COMMD2: variants seen among roughly 807,000 people sequenced by gnomAD.
The protein encoded by COMMD2 is COMM domain containing 2, also known as COMM domain-containing protein 2.
Under a neutral mutation model 22.5 loss-of-function variants are expected in COMMD2, and 25 were observed. The observed-to-expected ratio is 1.11, with a 90% CI of 0.81 to 1.55. COMMD2 has a LOEUF of 1.55. COMMD2 is among the 40% of genes most tolerant of loss of function. The pLI, the probability that COMMD2 is intolerant of heterozygous loss-of-function variation, is 0.00. For missense variants in COMMD2, 223 were observed against 232.9 expected (o/e 0.96, Z 0.28); for synonymous variants, 98 against 91.2 (o/e 1.07, Z -0.42).
rs372920622 is a variant in COMMD2 at position 149,749,405 on chromosome 3, T to A, written c.402+1273A>T. Among the ~76,000 whole-genome samples, 62 of 152,288 alleles carry A rather than the reference T, an allele frequency of 4.1e-4. No individual in the cohort carries two copies. The South Asian group carries it at 0.013, about 31-fold the overall frequency. The stretch of plus-strand genomic sequence containing the variant: ...TATCTGGACATTACCTCCATTTGAA[T>A]CAGAAGAAGCCACTACAACAGTGGT... On this transcript the variant is annotated intron_variant, in intron 4 of 4. Transcript: ENST00000473414.
intron 4 of COMMD2, among the ~76,000 whole-genome samples, chr3:149,749,342 T>C (rs1716463321): frequency 6.6e-6 from 1 of 152,198 alleles, no homozygotes; most frequent in African/African-American, 2.4e-5. Context: ...TTATCTGCTA[T>C]TTCAGGTCTA....
At chr3:149,746,117 A>G (rs1002420507) in intron 4 of COMMD2, among the ~76,000 whole-genome samples, 2 of 152,200 alleles carry the variant, frequency 1.3e-5, no homozygotes, top group African/African-American at 4.8e-5. Context: ...CTTAAATTCA[A>G]TCTATCTTGA....
intron 4 of COMMD2, among the ~76,000 whole-genome samples, chr3:149,742,976 AAAAAAG>A (rs1297375021): frequency 2.6e-4 from 37 of 139,642 alleles, no homozygotes; most frequent in African/African-American, 9.5e-4. Flanking sequence ...AAAAAAAAAA[AAAAAAG>A]AAAAAGAAAA....
At chr3:149,749,913 T>G (rs754533305) in intron 4 of COMMD2, among the ~76,000 whole-genome samples, 22 of 152,226 alleles carry the variant, frequency 1.4e-4, no homozygotes, top group Non-Finnish European at 2.8e-4. Flanking sequence ...ATTTTGAGAA[T>G]GCCTAATATC....
Position 149,750,684 on chromosome 3 carries a change from A to G in COMMD2, c.396T>C (p.Asp132=), listed in dbSNP as rs1350733811. ...PSYHNLEWRL[D]VQLASRSLRQ... ...AATTTTAAAAATGCTATACCTGTAC[A>G]TCTAGTCGCCATTCAAGGTTATGAT... is the stretch of plus-strand genomic sequence containing the variant. Residue 132 remains aspartate, a synonymous_variant, in exon 4 of 5, where the codon GAT becomes GAC. Transcript: ENST00000473414. The G allele has an allele frequency of 6.4e-7, 1 of 1,569,452 alleles. No individual in the cohort carries two copies. The highest frequency in any genetic ancestry group is 1.9e-5 in the Admixed American group (1 of 53,138).
chr3:149,742,171 A>T (rs977376743), intron 4 of COMMD2, among the ~76,000 whole-genome samples: 1 of 152,248 alleles, frequency 6.6e-6, no homozygotes, highest in Admixed American at 6.5e-5. Context: ...CATTTTACAG[A>T]AGACAAATGA....
intron 4 of COMMD2, among the ~76,000 whole-genome samples, chr3:149,746,077 G>C (rs887212734): frequency 6.6e-6 from 1 of 152,196 alleles, no homozygotes; most frequent in South Asian, 2.1e-4. Flanking sequence ...ACCTACTGTG[G>C]AGATTGCAAC....
intron 2 of COMMD2, 30 bp downstream of exon 2, chr3:149,752,180 C>A (rs556451921): frequency 1.3e-6 from 2 of 1,598,118 alleles, no homozygotes; most frequent in South Asian, 2.2e-5. Flanking sequence ...GCCCTAGAAG[C>A]CTGCGGAGCC....
At position 149,739,271 on chromosome 3, in the gene COMMD2, T is replaced by C. The variant is rs1576656561; in HGVS notation, c.*2250A>G. On this transcript the variant is annotated 3_prime_UTR_variant, in exon 5 of 5. Coordinates refer to ENST00000473414, the MANE Select transcript of COMMD2 (RefSeq NM_016094.4). The stretch of plus-strand genomic sequence containing the variant: ...GCTACAACAAATATCAAATGTTATA[T>C]AAAACAAACAATGCAGGGGAATCCA... 2.6e-5 allele frequency: 4 copies of C among 152,198 alleles called. No homozygotes were observed. In the South Asian group the frequency reaches 8.3e-4, roughly 32 times the overall value. 9.4% of individuals were successfully genotyped at this position (152,198 alleles called of 1,614,324 possible).
intron 3 of COMMD2, among the ~76,000 whole-genome samples, 179 bp from the exon 4 acceptor site, chr3:149,751,030 A>AT (rs2108253433): frequency 6.6e-6 from 1 of 152,356 alleles, no homozygotes; most frequent in African/African-American, 2.4e-5. Flanking sequence ...GTACTTTACT[A>AT]AAGTATAAAA....
intron 2 of COMMD2, chr3:149,751,821 T>G (rs77589896): frequency 0.067 from 17,618 of 262,952 alleles, 1,744 homozygotes; most frequent in African/African-American, 0.26. Flanking sequence ...TACCCAGGGG[T>G]AAAACAACAC....
intron 4 of COMMD2, among the ~76,000 whole-genome samples, chr3:149,746,451 A>G (rs546981728): frequency 4.6e-5 from 7 of 152,288 alleles, no homozygotes; most frequent in Non-Finnish European, 8.8e-5. Context: ...TCACACTGTT[A>G]TGAAGAAATA....
intron 4 of COMMD2, among the ~76,000 whole-genome samples, chr3:149,745,727 T>C (rs998185689): frequency 6.6e-6 from 1 of 152,222 alleles, no homozygotes; most frequent in Non-Finnish European, 1.5e-5. Flanking sequence ...AAGATGCTCA[T>C]GACAATGGAA....
At chr3:149,750,560 T>TA in intron 4 of COMMD2, 118 bp downstream of exon 4, 5 of 688,670 alleles carry the variant, frequency 7.3e-6, no homozygotes, top group Admixed American at 3.0e-5. Context: ...AAATGAACAT[T>TA]AAAAAAACAA....
At chr3:149,749,041 G>C (rs1221060632) in intron 4 of COMMD2, among the ~76,000 whole-genome samples, 1 of 148,320 alleles carries the variant, frequency 6.7e-6, no homozygotes, top group Non-Finnish European at 1.5e-5. Context: ...TTGAGACGAA[G>C]TCTCCCTCTG....
intron 4 of COMMD2, among the ~76,000 whole-genome samples, chr3:149,742,349 G>C (rs1716253237): frequency 6.6e-6 from 1 of 152,172 alleles, no homozygotes. Flanking sequence ...TAAGCGATGA[G>C]AAAATCACTT....
intron 4 of COMMD2, among the ~76,000 whole-genome samples, chr3:149,745,028 G>A (rs557975432): frequency 1.1e-4 from 17 of 152,250 alleles, no homozygotes; most frequent in African/African-American, 3.8e-4. Context: ...AAAAAGAACT[G>A]TTAAAGCCTA....
chr3:149,742,610 G>A (rs1050849071), intron 4 of COMMD2, among the ~76,000 whole-genome samples: 1 of 152,142 alleles, frequency 6.6e-6, no homozygotes, highest in African/African-American at 2.4e-5. Flanking sequence ...GCAAGTCACA[G>A]AATATGTTCA....
At position 149,739,852 on chromosome 3, in the gene COMMD2, A is replaced by C. The variant is rs182347665; in HGVS notation, c.*1669T>G. The C allele has an allele frequency of 6.6e-6, 1 of 152,288 alleles. No individual in the cohort carries two copies. The highest frequency in any genetic ancestry group is 2.4e-5 in the African/African-American group (1 of 41,560). The allele number at this position is 152,288 out of a possible 1,614,324, so 9.4% of individuals were successfully genotyped here. The stretch of plus-strand genomic sequence containing the variant: ...CATCTAATAATATAGTTGTTTCACA[A>C]CGGCAGAATATATACCTACAGGAAA... On this transcript the variant is annotated 3_prime_UTR_variant, in exon 5 of 5. Coordinates refer to ENST00000473414, the MANE Select transcript of COMMD2 (RefSeq NM_016094.4).
Sources: gnomAD v4.1 joint callset for allele counts (sites outside exome capture counted in the v4.1 genomes callset) on GRCh38, gnomAD v4.1.1 for gene constraint, MANE v1.5 for transcripts, NCBI Gene and HGNC (gene_info 2026-07-23, HGNC 2026-07-21) for gene names.